SCFD2: variants seen among roughly 807,000 people sequenced by gnomAD.
SCFD2 encodes the protein sec1 family domain containing 2, also known as sec1 family domain-containing protein 2.
In SCFD2, 54 loss-of-function variants were observed where a neutral mutation model predicts 58.9. The observed-to-expected ratio is 0.92, with a 90% CI of 0.74 to 1.15. The LOEUF is 1.15. Ranked by LOEUF, SCFD2 falls within the 50% of genes most tolerant of loss-of-function variation. SCFD2 has a pLI of 0.00. For missense variants in SCFD2, 805 were observed against 836.6 expected, an observed-to-expected ratio of 0.96 and a Z score of 0.47; for synonymous variants, 321 against 335.9, an observed-to-expected ratio of 0.96 and a Z score of 0.49.
intron 4 of SCFD2, among the ~76,000 whole-genome samples, chr4:53,203,963 C>T (rs1325517862): frequency 6.6e-6 from 1 of 152,134 alleles, no homozygotes; most frequent in East Asian, 1.9e-4. Context: ...ACACCAAAAG[C>T]TGATTGCTGA....
intron 4 of SCFD2, among the ~76,000 whole-genome samples, chr4:53,241,608 A>G (rs964066524): frequency 3.9e-5 from 6 of 152,120 alleles, no homozygotes; most frequent in African/African-American, 1.2e-4. Flanking sequence ...CCTCCCATGT[A>G]CCACTTTGCT....
chr4:53,362,328 C>A (rs893472066), intron 1 of SCFD2, among the ~76,000 whole-genome samples: 1 of 152,076 alleles, frequency 6.6e-6, no homozygotes, highest in Admixed American at 6.6e-5. Flanking sequence ...TCAGGTATGG[C>A]CTTGAAAACA....
At chr4:53,333,280 C>T (rs1413043638) in intron 2 of SCFD2, among the ~76,000 whole-genome samples, 4 of 149,874 alleles carry the variant, frequency 2.7e-5, no homozygotes, top group East Asian at 1.9e-4. Context: ...AAAAAGAGCC[C>T]GCCATCGCCA....
chr4:53,192,181 C>G (rs1166389131), intron 4 of SCFD2, among the ~76,000 whole-genome samples: 1 of 152,088 alleles, frequency 6.6e-6, no homozygotes, highest in Non-Finnish European at 1.5e-5. Flanking sequence ...AGTAGTTGCC[C>G]CTTGACACTA....
intron 5 of SCFD2, among the ~76,000 whole-genome samples, chr4:53,140,183 A>G (rs1164019942): frequency 2.6e-5 from 4 of 151,646 alleles, no homozygotes; most frequent in African/African-American, 9.7e-5. Context: ...CTCTCCGAGA[A>G]ACACCCAAGA....
intron 2 of SCFD2, among the ~76,000 whole-genome samples, chr4:53,330,743 C>A (rs1291015383): frequency 2.0e-5 from 3 of 151,906 alleles, no homozygotes; most frequent in Non-Finnish European, 4.4e-5. Context: ...TCACACATAA[C>A]AATATTAACC....
intron 4 of SCFD2, among the ~76,000 whole-genome samples, chr4:53,197,328 T>C (rs373077629): frequency 3.3e-5 from 5 of 152,282 alleles, no homozygotes; most frequent in African/African-American, 1.2e-4. Context: ...TAGTTTCTTC[T>C]GGTTTTTCTT....
intron 1 of SCFD2, among the ~76,000 whole-genome samples, chr4:53,361,888 T>C: frequency 6.6e-6 from 1 of 152,192 alleles, no homozygotes; most frequent in Non-Finnish European, 1.5e-5. Flanking sequence ...AGTGTGTTAA[T>C]TTCAATTAAT....
At chr4:53,174,906 T>C (rs1389831989) in intron 4 of SCFD2, among the ~76,000 whole-genome samples, 1 of 152,088 alleles carries the variant, frequency 6.6e-6, no homozygotes, top group Non-Finnish European at 1.5e-5. Flanking sequence ...ATGTCATCCA[T>C]ATAAATGTTC....
intron 4 of SCFD2, among the ~76,000 whole-genome samples, chr4:53,199,948 G>A (rs1486124007): frequency 2.0e-5 from 3 of 150,010 alleles, no homozygotes; most frequent in Admixed American, 6.7e-5. Flanking sequence ...AAGAGCAAGA[G>A]AGAGTGAGAG....
chr4:53,086,132 T>G (rs778991418), intron 5 of SCFD2, among the ~76,000 whole-genome samples: 1 of 152,172 alleles, frequency 6.6e-6, no homozygotes, highest in Non-Finnish European at 1.5e-5. Flanking sequence ...ACTACCCATC[T>G]AACAAGGGAT....
chr4:53,268,480 GACA>G lies in SCFD2; in HGVS notation c.1311+5343_1311+5345del, dbSNP rs559282088. 1.6e-3 allele frequency among the ~76,000 whole-genome samples: 237 copies of G among 152,274 alleles called. 3 individuals are homozygous for G. The highest frequency in any genetic ancestry group is 0.014 in the Middle Eastern group (4 of 294). On this transcript the variant is annotated intron_variant, in intron 4 of 8. Coordinates refer to ENST00000401642, the MANE Select transcript of SCFD2 (RefSeq NM_152540.4). ...AAAGGTATCCAGGTGGAGGTTGAGT[GACA>G]ACAACATCCCAGGATGCGGTGTAGG... is the stretch of plus-strand genomic sequence containing the variant.
intron 5 of SCFD2, among the ~76,000 whole-genome samples, chr4:53,044,090 C>T (rs75219461): frequency 1.3e-5 from 2 of 152,242 alleles, no homozygotes; most frequent in East Asian, 3.9e-4. Flanking sequence ...TGAGATGGGG[C>T]CACAGTCCTC....
chr4:53,153,319 C>T (rs1726568852), intron 4 of SCFD2, among the ~76,000 whole-genome samples: 1 of 152,230 alleles, frequency 6.6e-6, no homozygotes, highest in African/African-American at 2.4e-5. Context: ...CTGCTTCACT[C>T]ATGCACTCTG....
intron 4 of SCFD2, among the ~76,000 whole-genome samples, chr4:53,205,573 A>G (rs1257445802): frequency 6.6e-6 from 1 of 152,162 alleles, no homozygotes; most frequent in Non-Finnish European, 1.5e-5. Context: ...TGAAAAAGTC[A>G]AGAACCAAAG....
rs111798436 is a variant in SCFD2, at chr4:53,288,103, A to T, written c.1136-14102T>A. On this transcript the variant is annotated intron_variant, in intron 3 of 8. Coordinates refer to ENST00000401642, the MANE Select transcript of SCFD2 (RefSeq NM_152540.4). ...ATAATAATAATAAACTATAAAAAAA[A>T]TTAAAGAAATAATTGAGAGTTTCAA... Among the ~76,000 whole-genome samples, 1,395 of 152,072 alleles carry T rather than the reference A, an allele frequency of 9.2e-3. 25 individuals carry two copies. Among genetic ancestry groups the T allele is most frequent in the African/African-American group, 0.032 (1,321 of 41,524 alleles).
intron 4 of SCFD2, among the ~76,000 whole-genome samples, chr4:53,196,500 G>A (rs960823776): frequency 3.3e-5 from 5 of 152,040 alleles, no homozygotes; most frequent in Non-Finnish European, 7.4e-5. Context: ...GCCTGTTTCC[G>A]TTTTGCCTGC....
At chr4:52,896,695 A>T (rs574087888) in intron 7 of SCFD2, among the ~76,000 whole-genome samples, 2,350 of 152,256 alleles carry the variant, frequency 0.015, 75 homozygotes, top group African/African-American at 0.052. Flanking sequence ...CAATTCTGTG[A>T]AGAAAGTCAT....
intron 5 of SCFD2, among the ~76,000 whole-genome samples, chr4:52,929,571 C>T (rs776774244): frequency 3.3e-5 from 5 of 152,138 alleles, no homozygotes; most frequent in Admixed American, 6.5e-5. Context: ...TGAGAAATCA[C>T]GTGGTGGGAA....
Sources: gnomAD v4.1 joint callset for allele counts (sites outside exome capture counted in the v4.1 genomes callset) on GRCh38, gnomAD v4.1.1 for gene constraint, MANE v1.5 for transcripts, NCBI Gene and HGNC (gene_info 2026-07-23, HGNC 2026-07-21) for gene names.